EEA1: variants seen among roughly 807,000 people sequenced by gnomAD.
EEA1 encodes early endosome antigen 1, 162kD.
A neutral mutation model predicts 209.2 loss-of-function variants in EEA1; 111 were observed. The ratio of observed to expected loss-of-function variants is 0.53; its 90% CI spans 0.45 to 0.62. EEA1 has a LOEUF of 0.62. EEA1 is among the 20% of genes least tolerant of loss of function. The pLI, the probability that EEA1 is intolerant of heterozygous loss-of-function variation, is 0.00. For missense variants in EEA1, 1,343 were observed against 1,530.8 expected (o/e 0.88, Z 2.05); for synonymous variants, 536 against 540.6 (o/e 0.99, Z 0.12).
chr12:92,828,150 C>T (rs1248338528), intron 11 of EEA1, 89 bp from the exon 12 acceptor site: 1 of 1,047,372 alleles, frequency 9.5e-7, no homozygotes, highest in African/African-American at 1.7e-5. Flanking sequence ...TACTTTTCAC[C>T]AAAATAAGTA....
chr12:92,832,905 A>G, intron 10 of EEA1, 55 bp from the exon 11 acceptor site: 1 of 1,299,826 alleles, frequency 7.7e-7, no homozygotes, highest in Non-Finnish European at 1.0e-6. Context: ...AATTACTCCA[A>G]TTACTCAAAC....
In EEA1 at chr12:92,792,747, C is replaced by T. The variant is rs555923842; in HGVS notation, c.2968-4698G>A. Among the ~76,000 whole-genome samples, 30 of 152,180 alleles carry T rather than the reference C, an allele frequency of 2.0e-4. No homozygotes were observed. The South Asian group carries it at 6.0e-3, about 31-fold the overall frequency. The stretch of plus-strand genomic sequence containing the variant: ...TTCCTTTTGAAACTATTCCAATCAA[C>T]AGAAAAAGAGGGAATCCTTCCTAAC... On this transcript the variant is annotated intron_variant, in intron 21 of 28. Coordinates refer to ENST00000322349, the MANE Select transcript of EEA1 (RefSeq NM_003566.4).
At chr12:92,832,400 T>C (rs1173184381) in intron 11 of EEA1, 112 bp downstream of exon 11, 1 of 1,057,948 alleles carries the variant, frequency 9.5e-7, no homozygotes, top group East Asian at 2.4e-5. Context: ...AGTTAATCTT[T>C]TAAAATGACA....
intron 9 of EEA1, among the ~76,000 whole-genome samples, chr12:92,845,807 T>A (rs1469717089): frequency 1.3e-5 from 2 of 152,150 alleles, no homozygotes; most frequent in Non-Finnish European, 1.5e-5. Flanking sequence ...TATTCAGTAT[T>A]TTAATCCCCA....
intron 14 of EEA1, among the ~76,000 whole-genome samples, chr12:92,818,454 A>G (rs1875895638): frequency 6.6e-6 from 1 of 152,216 alleles, no homozygotes; most frequent in Non-Finnish European, 1.5e-5. Context: ...ATAGGTATTA[A>G]CTATCCCAAT....
chr12:92,805,295 G>T (rs1021619749), intron 18 of EEA1, among the ~76,000 whole-genome samples: 1 of 151,996 alleles, frequency 6.6e-6, no homozygotes, highest in Non-Finnish European at 1.5e-5. Flanking sequence ...TATAACCTCC[G>T]ATTCAAAGCA....
At chr12:92,919,633 C>G (rs1278469507) in intron 1 of EEA1, among the ~76,000 whole-genome samples, 1 of 146,622 alleles carries the variant, frequency 6.8e-6, no homozygotes, top group South Asian at 2.2e-4. Flanking sequence ...AACCCACAGC[C>G]AATATCATAC....
intron 1 of EEA1, among the ~76,000 whole-genome samples, chr12:92,917,344 G>T (rs1880808330): frequency 7.1e-6 from 1 of 141,034 alleles, no homozygotes; most frequent in Admixed American, 7.0e-5. Flanking sequence ...CAGCCAGAGA[G>T]AAAGGTCGGG....
At chr12:92,793,003 G>A (rs12321020) in intron 21 of EEA1, among the ~76,000 whole-genome samples, 212 of 152,068 alleles carry the variant, frequency 1.4e-3, no homozygotes, top group Middle Eastern at 6.8e-3. Flanking sequence ...AATGTAATCC[G>A]TCACATAAAC....
chr12:92,861,783 T>C (rs1263913440), intron 3 of EEA1, among the ~76,000 whole-genome samples: 2 of 151,698 alleles, frequency 1.3e-5, no homozygotes, highest in Non-Finnish European at 2.9e-5. Flanking sequence ...TATATGTACA[T>C]AGATATAAGC....
chr12:92,904,433 T>TG (rs1230133359), intron 1 of EEA1, among the ~76,000 whole-genome samples: 1 of 152,202 alleles, frequency 6.6e-6, no homozygotes, highest in Non-Finnish European at 1.5e-5. Context: ...TGAACAAATG[T>TG]TTGAGTTTTC....
chr12:92,785,617 T>A (rs917359510), intron 22 of EEA1, among the ~76,000 whole-genome samples: 1 of 152,246 alleles, frequency 6.6e-6, no homozygotes, highest in Non-Finnish European at 1.5e-5. Context: ...ATATAAAATT[T>A]ACCAATCTTT....
At position 92,857,261 on chromosome 12, in the gene EEA1, T is replaced by G; in HGVS notation, c.366+14A>C. 3 of 1,561,668 alleles carry G rather than the reference T, an allele frequency of 1.9e-6. No homozygotes were observed. Among genetic ancestry groups the G allele is most frequent in the Non-Finnish European group, 2.6e-6 (3 of 1,155,698 alleles). On this transcript the variant is annotated intron_variant, in intron 5 of 28. Transcript: ENST00000322349. ...CAACTAATAAACATGCTTTAAGTAG[T>G]TAAAAGCAATTACTTGCTGCTGCAG...
chr12:92,832,783 T>G lies in EEA1; in HGVS notation c.983A>C (p.Glu328Ala), dbSNP rs1366720890. 1 of 1,613,924 alleles carries G rather than the reference T, an allele frequency of 6.2e-7. No individual in the cohort carries two copies. The change falls in exon 11 of 29, where the codon GAA (glutamate) becomes GCA (alanine). Residue 328 changes from glutamate (E) to alanine (A), a missense_variant. Transcript: ENST00000322349. Reference sequence around the variant, plus strand: ...CTGAATATTCTTTTTACTCACAGATTCTTCATTATGTTTCTCCTCTAACTT... The same window carrying G: ...CTGAATATTCTTTTTACTCACAGATGCTTCATTATGTTTCTCCTCTAACTT... ...YTKLEEKHNE[E>A]SVSKKNIQAT...
At chr12:92,849,762 T>G (rs138189394) in intron 9 of EEA1, among the ~76,000 whole-genome samples, 6 of 152,188 alleles carry the variant, frequency 3.9e-5, no homozygotes, top group Non-Finnish European at 4.4e-5. Context: ...ACCCCAAAGC[T>G]TGATGACATG....
chr12:92,892,331 A>G (rs1879685022), intron 1 of EEA1, among the ~76,000 whole-genome samples: 1 of 152,074 alleles, frequency 6.6e-6, no homozygotes, highest in African/African-American at 2.4e-5. Flanking sequence ...AGCTCAAACG[A>G]TCTGCCCACC....
chr12:92,892,597 G>A lies in EEA1; in HGVS notation c.25-876C>T, dbSNP rs547786059. 8.6e-3 allele frequency among the ~76,000 whole-genome samples: 741 copies of A among 86,062 alleles called. 2 individuals are homozygous for A. Among genetic ancestry groups the A allele is most frequent in the Non-Finnish European group, 0.018 (572 of 31,540 alleles). The allele number at this position is 86,062 out of a possible 152,430, so 56.5% of individuals were successfully genotyped here. A position where few individuals can be genotyped will look rare whatever the true frequency, so the allele number is the denominator to read the frequency against. On this transcript the variant is annotated intron_variant, in intron 1 of 28. Transcript: ENST00000322349. ...ACAAGAGTCTTGCTCTGTCATCCAG[G>A]CTGGTCTCACTCTGTCATCCAGGCT...
In EEA1 at chr12:92,906,484, G is replaced by C. The variant is rs138743030; in HGVS notation, c.25-14763C>G. On this transcript the variant is annotated intron_variant, in intron 1 of 28. Coordinates refer to ENST00000322349, the MANE Select transcript of EEA1 (RefSeq NM_003566.4). Reference sequence around the variant, plus strand: ...ATAATATACAACTCAAAACCTTGGGGATTTATAAGCTATCTATAAGGATTT... The same window carrying C: ...ATAATATACAACTCAAAACCTTGGGCATTTATAAGCTATCTATAAGGATTT... Among the ~76,000 whole-genome samples the C allele has an allele frequency of 2.2e-3, 339 of 152,264 alleles. 1 individual carries two copies. Among genetic ancestry groups the C allele is most frequent in the African/African-American group, 7.7e-3 (321 of 41,560 alleles).
rs544851228 is a variant in EEA1 at position 92,833,677 on chromosome 12, T to G, written c.916-827A>C. The stretch of plus-strand genomic sequence containing the variant: ...GGTGAGTCAGTTAGTGGACCTTTAG[T>G]GTACAAACTTACATGCAGTGTGCTG... On this transcript the variant is annotated intron_variant, in intron 10 of 28. Transcript: ENST00000322349. Among the ~76,000 whole-genome samples, 44 of 152,322 alleles carry G rather than the reference T, an allele frequency of 2.9e-4. No homozygotes were observed. In the South Asian group the frequency reaches 8.7e-3, roughly 30 times the overall value.
Sources: gnomAD v4.1 joint callset for allele counts (sites outside exome capture counted in the v4.1 genomes callset) on GRCh38, gnomAD v4.1.1 for gene constraint, MANE v1.5 for transcripts, NCBI Gene and HGNC (gene_info 2026-07-23, HGNC 2026-07-21) for gene names.